LAMP3: variants seen among roughly 807,000 people sequenced by gnomAD.
The protein encoded by LAMP3 is lysosome associated membrane protein 3.
Under a neutral mutation model 34.8 loss-of-function variants are expected in LAMP3, and 26 were observed. That is an observed-to-expected ratio of 0.75 (90% CI 0.55 to 1.04). LAMP3 has a LOEUF of 1.04. Ranked by LOEUF, LAMP3 falls within the 50% of genes least tolerant of loss-of-function variation. The pLI, the probability that LAMP3 is intolerant of heterozygous loss-of-function variation, is 0.00. For synonymous variants in LAMP3, 180 were observed against 201.9 expected, an observed-to-expected ratio of 0.89 and a Z score of 0.92; for missense variants, 495 against 524.0, an observed-to-expected ratio of 0.94 and a Z score of 0.54.
At chr3:183,144,180 C>A (rs996925277) in intron 3 of LAMP3, among the ~76,000 whole-genome samples, 3 of 152,170 alleles carry the variant, frequency 2.0e-5, no homozygotes, top group Non-Finnish European at 4.4e-5. Flanking sequence ...GCAAAAGGAA[C>A]CTGTGATCTA....
intron 4 of LAMP3, among the ~76,000 whole-genome samples, chr3:183,137,823 CT>C (rs1312008157): frequency 2.4e-3 from 337 of 142,866 alleles, no homozygotes; most frequent in Middle Eastern, 7.2e-3. Context: ...TTCCCCCCAC[CT>C]TTTTTTTTTT....
intron 1 of LAMP3, among the ~76,000 whole-genome samples, chr3:183,157,454 A>C (rs1344450955): frequency 6.6e-6 from 1 of 152,154 alleles, no homozygotes; most frequent in East Asian, 1.9e-4. Context: ...CATTTGGGTA[A>C]AACCCGCGTT....
intron 5 of LAMP3, among the ~76,000 whole-genome samples, chr3:183,124,547 G>C (rs1326587655): frequency 1.3e-5 from 2 of 152,228 alleles, no homozygotes; most frequent in Admixed American, 1.3e-4. Flanking sequence ...ACATAAAAGA[G>C]ACCAGCCGGG....
intron 4 of LAMP3, among the ~76,000 whole-genome samples, chr3:183,136,671 C>A (rs831260): frequency 0.74 from 98,168 of 133,162 alleles, 38,098 homozygotes; most frequent in Non-Finnish European, 0.88. Context: ...AAAAAAAAAA[C>A]AACTCATTAG....
chr3:183,130,344 G>C (rs1292437727), intron 5 of LAMP3, among the ~76,000 whole-genome samples: 1 of 151,822 alleles, frequency 6.6e-6, no homozygotes, highest in African/African-American at 2.4e-5. Context: ...GTTTTTAGTA[G>C]AAACGGGGTT....
chr3:183,139,532 T>G (rs561160261), intron 4 of LAMP3, among the ~76,000 whole-genome samples: 1 of 152,208 alleles, frequency 6.6e-6, no homozygotes, highest in African/African-American at 2.4e-5. Flanking sequence ...ATACTGTTTT[T>G]TCCTGCATAT....
chr3:183,138,653 C>T (rs1442277553), intron 4 of LAMP3, among the ~76,000 whole-genome samples: 4 of 152,138 alleles, frequency 2.6e-5, no homozygotes, highest in South Asian at 4.1e-4. Flanking sequence ...CCCACTACTC[C>T]ACACAACAAC....
chr3:183,128,803 AAG>A (rs1719844221), intron 5 of LAMP3, among the ~76,000 whole-genome samples: 1 of 152,012 alleles, frequency 6.6e-6, no homozygotes. Context: ...CAGCCTCCCA[AAG>A]AGTTGGGATG....
intron 3 of LAMP3, among the ~76,000 whole-genome samples, chr3:183,147,057 C>T (rs1720466720): frequency 6.6e-6 from 1 of 151,874 alleles, no homozygotes; most frequent in Admixed American, 6.6e-5. Flanking sequence ...TCCTGGCTAA[C>T]ATGGTGAAAC....
chr3:183,132,093 G>T (rs1338667642), intron 5 of LAMP3: 1 of 985,102 alleles, frequency 1.0e-6, no homozygotes, highest in Non-Finnish European at 1.2e-6. Flanking sequence ...TCAAAGAAAA[G>T]CCGACAAACC....
intron 5 of LAMP3, chr3:183,132,346 T>C (rs140344564): frequency 4.2e-6 from 4 of 951,662 alleles, no homozygotes; most frequent in African/African-American, 1.8e-5. Flanking sequence ...TTGGGTAAAA[T>C]CCAGGAGTTT....
chr3:183,151,407 C>T (rs1356066708), intron 3 of LAMP3, among the ~76,000 whole-genome samples: 7 of 151,286 alleles, frequency 4.6e-5, no homozygotes, highest in South Asian at 2.1e-4. Flanking sequence ...CGCCACTTCC[C>T]GTGTATGGGG....
At chr3:183,149,476 C>A (rs1370178574) in intron 3 of LAMP3, among the ~76,000 whole-genome samples, 1 of 139,128 alleles carries the variant, frequency 7.2e-6, no homozygotes, top group South Asian at 2.4e-4. Flanking sequence ...ACCTGAGAGG[C>A]GGAGGTTGCA....
chr3:183,142,797 G>A (rs977062488), intron 3 of LAMP3, among the ~76,000 whole-genome samples: 1 of 152,118 alleles, frequency 6.6e-6, no homozygotes, highest in African/African-American at 2.4e-5. Context: ...AAAAATGAAA[G>A]TGCCGGGCCA....
chr3:183,149,454 G>C (rs1720546247), intron 3 of LAMP3, among the ~76,000 whole-genome samples: 1 of 148,296 alleles, frequency 6.7e-6, no homozygotes, highest in Non-Finnish European at 1.5e-5. Flanking sequence ...CTGAGGCAGG[G>C]AAATCACTTG....
chr3:183,157,967 G>C (rs1720870027), intron 1 of LAMP3: 2 of 152,226 alleles, frequency 1.3e-5, no homozygotes, highest in African/African-American at 4.8e-5. Context: ...TTGATACGGT[G>C]TGTAGGTGTA....
chr3:183,152,537 T>G (rs370991681), intron 2 of LAMP3, 34 bp from the exon 3 acceptor site: 6 of 1,574,368 alleles, frequency 3.8e-6, no homozygotes, highest in Non-Finnish European at 5.2e-6. Context: ...CTAAATGAGA[T>G]GTAGAGGAAA....
At chr3:183,129,518 T>C (rs1277192394) in intron 5 of LAMP3, among the ~76,000 whole-genome samples, 1 of 152,130 alleles carries the variant, frequency 6.6e-6, no homozygotes, top group Non-Finnish European at 1.5e-5. Flanking sequence ...AGTCATTCTC[T>C]CTATGAAAAT....
intron 3 of LAMP3, among the ~76,000 whole-genome samples, chr3:183,144,833 G>C (rs1456800865): frequency 6.6e-6 from 1 of 152,214 alleles, no homozygotes; most frequent in Non-Finnish European, 1.5e-5. Context: ...TTGAGTCCAG[G>C]AGGCTGAGGC....
Sources: gnomAD v4.1 joint callset for allele counts (sites outside exome capture counted in the v4.1 genomes callset) on GRCh38, gnomAD v4.1.1 for gene constraint, MANE v1.5 for transcripts, NCBI Gene and HGNC (gene_info 2026-07-23, HGNC 2026-07-21) for gene names.